Variants in EYA1 observed in about 807,000 individuals in gnomAD.
The protein encoded by EYA1 is EYA transcriptional coactivator and phosphatase 1, also known as protein phosphatase EYA1.
In EYA1, 16 loss-of-function variants were observed where a neutral mutation model predicts 82.0. The observed-to-expected ratio is 0.20, with a 90% CI of 0.13 to 0.30. The LOEUF is 0.30. Among genes scored for constraint, EYA1 ranks in the 10% least tolerant of loss-of-function variants. The pLI is 1.00. For synonymous variants in EYA1, 261 were observed against 264.4 expected, an observed-to-expected ratio of 0.99 and a Z score of 0.12; for missense variants, 633 against 730.7, an observed-to-expected ratio of 0.87 and a Z score of 1.54.
intron 2 of EYA1, among the ~76,000 whole-genome samples, chr8:71,498,890 C>T (rs1382084969): frequency 2.6e-5 from 4 of 152,116 alleles, no homozygotes; most frequent in Non-Finnish European, 1.5e-5. Flanking sequence ...CATCTTTGCA[C>T]AACTATTAAG....
At chr8:71,376,170 C>T (rs1828358764) in intron 2 of EYA1, among the ~76,000 whole-genome samples, 1 of 151,962 alleles carries the variant, frequency 6.6e-6, no homozygotes, top group African/African-American at 2.4e-5. Context: ...AAGACGTAAA[C>T]AATGAAAAGG....
intron 2 of EYA1, among the ~76,000 whole-genome samples, chr8:71,439,894 G>T (rs772481964): frequency 1.3e-5 from 2 of 152,100 alleles, no homozygotes; most frequent in Non-Finnish European, 2.9e-5. Flanking sequence ...CAATAAATGT[G>T]TTCAGACACT....
At chr8:71,380,646 C>A (rs1335717822) in intron 2 of EYA1, among the ~76,000 whole-genome samples, 2 of 152,204 alleles carry the variant, frequency 1.3e-5, no homozygotes, top group African/African-American at 4.8e-5. Flanking sequence ...CTTAGCATTA[C>A]CCTAGTAATC....
chr8:71,516,794 C>T (rs117134115), intron 2 of EYA1, among the ~76,000 whole-genome samples: 3,272 of 152,134 alleles, frequency 0.022, 62 homozygotes, highest in Non-Finnish European at 0.032. Flanking sequence ...CTTAGTCTCT[C>T]CCTAGCTATG....
chr8:71,292,529 T>C (rs1251951767), intron 9 of EYA1, among the ~76,000 whole-genome samples: 2 of 152,052 alleles, frequency 1.3e-5, no homozygotes, highest in Admixed American at 1.3e-4. Flanking sequence ...TGGAATACCC[T>C]TCTACTCATA....
intron 3 of EYA1, among the ~76,000 whole-genome samples, chr8:71,335,839 A>G (rs774762582): frequency 3.3e-5 from 5 of 152,140 alleles, no homozygotes; most frequent in Non-Finnish European, 5.9e-5. Context: ...AATGCCCCAT[A>G]CACATAAAGC....
At chr8:71,301,087 G>A (rs1348424017) in intron 7 of EYA1, among the ~76,000 whole-genome samples, 1 of 152,192 alleles carries the variant, frequency 6.6e-6, no homozygotes, top group Non-Finnish European at 1.5e-5. Context: ...GGCCATAAAT[G>A]TGTTGGCAGT....
intron 2 of EYA1, among the ~76,000 whole-genome samples, chr8:71,503,950 G>C (rs542732303): frequency 6.6e-6 from 1 of 152,238 alleles, no homozygotes; most frequent in South Asian, 2.1e-4. Flanking sequence ...CTGGAATGGT[G>C]GGGGGTGGTC....
chr8:71,362,175 T>TC (rs1302474231), upstream of EYA1: 1 of 978,994 alleles, frequency 1.0e-6, no homozygotes, highest in Non-Finnish European at 1.2e-6. Context: ...TTTTTTTTTT[T>TC]TTTTTGGTTT....
chr8:71,295,933 T>C (rs1010811263), intron 9 of EYA1, among the ~76,000 whole-genome samples: 2 of 152,024 alleles, frequency 1.3e-5, no homozygotes, highest in Admixed American at 6.6e-5. Flanking sequence ...AGTTTAAGAG[T>C]AGGCATGAGT....
chr8:71,502,969 C>CT lies in EYA1; in HGVS notation c.33+32774dup, dbSNP rs1460664015. Among the ~76,000 whole-genome samples the CT allele has an allele frequency of 2.0e-5, 3 of 152,056 alleles. No individual in the cohort carries two copies. The South Asian group carries it at 6.2e-4, about 32-fold the overall frequency. On this transcript the variant is annotated intron_variant, in intron 2 of 18. Coordinates refer to the EYA1 transcript ENST00000643681. ...CATGCACACACAATTGTAGCAAGGTCTTTTTTTGTAATAAATTTGGTAATC... is the reference window on the plus strand; with the variant it reads ...CATGCACACACAATTGTAGCAAGGTCTTTTTTTTGTAATAAATTTGGTAATC...
At chr8:71,399,474 T>C (rs1484512363) in intron 2 of EYA1, among the ~76,000 whole-genome samples, 2 of 152,170 alleles carry the variant, frequency 1.3e-5, no homozygotes, top group Admixed American at 1.3e-4. Flanking sequence ...TTATGTGACA[T>C]ATCTTTGTTT....
intron 9 of EYA1, among the ~76,000 whole-genome samples, chr8:71,284,454 G>T (rs1394873376): frequency 1.3e-5 from 2 of 152,312 alleles, no homozygotes; most frequent in East Asian, 3.9e-4. Context: ...ACATTCCAGA[G>T]CAGCCTTGAT....
chr8:71,377,223 A>C (rs1042826805), intron 2 of EYA1, among the ~76,000 whole-genome samples: 18 of 152,228 alleles, frequency 1.2e-4, no homozygotes, highest in Non-Finnish European at 2.5e-4. Flanking sequence ...CCATGAAAGA[A>C]GCCCAAGCTA....
chr8:71,496,526 TTC>T (rs1431927118), intron 2 of EYA1, among the ~76,000 whole-genome samples: 6 of 152,244 alleles, frequency 3.9e-5, no homozygotes, highest in South Asian at 2.1e-4. Flanking sequence ...AAACAGATTA[TTC>T]TGTTTCTAAT....
intron 7 of EYA1, among the ~76,000 whole-genome samples, chr8:71,312,509 C>T (rs941904074): frequency 2.0e-5 from 3 of 152,184 alleles, no homozygotes; most frequent in East Asian, 1.9e-4. Context: ...TGCAGTGGCA[C>T]GATCTTGTCT....
chr8:71,204,891 C>T (rs957550098), intron 17 of EYA1, among the ~76,000 whole-genome samples: 3 of 152,016 alleles, frequency 2.0e-5, no homozygotes, highest in Non-Finnish European at 2.9e-5. Context: ...TTAAGGATGA[C>T]GATGAAATCC....
intron 2 of EYA1, among the ~76,000 whole-genome samples, chr8:71,465,505 C>T (rs1808708974): frequency 6.6e-6 from 1 of 152,076 alleles, no homozygotes; most frequent in Non-Finnish European, 1.5e-5. Context: ...CGTCTGTAAT[C>T]CCAGCTACTC....
intron 12 of EYA1, among the ~76,000 whole-genome samples, chr8:71,226,623 AGGT>A (rs1563651554): frequency 6.7e-6 from 1 of 148,788 alleles, no homozygotes; most frequent in Non-Finnish European, 1.5e-5. Context: ...GAGTCTCTAA[AGGT>A]AATGGATTAA....
Sources: allele counts gnomAD v4.1 joint callset (sites outside exome capture counted in the v4.1 genomes callset), GRCh38; gene constraint gnomAD v4.1.1; transcripts MANE v1.5; gene names NCBI Gene and HGNC (gene_info 2026-07-23, HGNC 2026-07-21).